Variants in USP25 observed in about 807,000 individuals in gnomAD.
USP25 encodes the protein ubiquitin specific peptidase 25.
Under a neutral mutation model 158.5 loss-of-function variants are expected in USP25, and 85 were observed. The observed-to-expected ratio is 0.54, with a 90% CI of 0.45 to 0.64. The LOEUF is 0.64. USP25 is among the 30% of genes least tolerant of loss of function. USP25 has a pLI of 0.00. For synonymous variants in USP25, 464 were observed against 460.4 expected (o/e 1.01, Z -0.10); for missense variants, 1,242 against 1,327.3 (o/e 0.94, Z 1.00).
chr21:15,796,793 A>G (rs1437166315), intron 5 of USP25, among the ~76,000 whole-genome samples: 1 of 151,420 alleles, frequency 6.6e-6, no homozygotes, highest in Non-Finnish European at 1.5e-5. Flanking sequence ...AATGTCTAGT[A>G]CTCAGGTCAG....
At chr21:15,810,222 C>T (rs1352076067) in intron 8 of USP25, among the ~76,000 whole-genome samples, 1 of 152,016 alleles carries the variant, frequency 6.6e-6, no homozygotes, top group African/African-American at 2.4e-5. Flanking sequence ...GCATTAAAGA[C>T]TGCTATACTA....
intron 9 of USP25, among the ~76,000 whole-genome samples, chr21:15,812,395 T>C (rs1388443618): frequency 6.6e-6 from 1 of 152,166 alleles, no homozygotes; most frequent in Non-Finnish European, 1.5e-5. Flanking sequence ...ATGCCTGTAA[T>C]CCCAGCACTT....
chr21:15,873,619 G>A (rs552869241), intron 23 of USP25, among the ~76,000 whole-genome samples: 5 of 151,582 alleles, frequency 3.3e-5, no homozygotes, highest in East Asian at 1.9e-4. Context: ...TCAGCCTGCC[G>A]AGTAGCTGGG....
At chr21:15,794,854 A>G (rs1284726884) in intron 5 of USP25, among the ~76,000 whole-genome samples, 3 of 151,614 alleles carry the variant, frequency 2.0e-5, no homozygotes, top group Non-Finnish European at 4.4e-5. Flanking sequence ...TAGCCCATCA[A>G]GTAATTATTG....
intron 1 of USP25, among the ~76,000 whole-genome samples, chr21:15,747,516 A>T (rs1303721213): frequency 2.6e-5 from 4 of 152,042 alleles, no homozygotes; most frequent in Non-Finnish European, 4.4e-5. Flanking sequence ...TCTACCTGTG[A>T]TAAAGTTTAA....
Position 15,827,218 on chromosome 21 carries a change from A to C in USP25, c.1693+15A>C. The C allele has an allele frequency of 1.1e-4, 182 of 1,599,268 alleles. No homozygotes were observed. Among genetic ancestry groups the C allele is most frequent in the Middle Eastern group, 1.7e-4 (1 of 6,038 alleles). On this transcript the variant is annotated intron_variant, in intron 14 of 25. Transcript: ENST00000400183. ...TGACACCAGAGGTAAGAAGTGTCTCATAGCATGGTTACTGTCACCTCAGAT... is the reference window on the plus strand; with the variant it reads ...TGACACCAGAGGTAAGAAGTGTCTCCTAGCATGGTTACTGTCACCTCAGAT...
chr21:15,831,278 T>A (rs55920012), intron 15 of USP25, 123 bp from the exon 16 acceptor site: 38,361 of 827,494 alleles, frequency 0.046, 1,209 homozygotes, highest in Non-Finnish European at 0.06. Context: ...GCCAGTTCTC[T>A]CTCATTTAAA....
At chr21:15,791,054 G>A (rs532381554) in intron 4 of USP25, among the ~76,000 whole-genome samples, 21 of 151,324 alleles carry the variant, frequency 1.4e-4, no homozygotes, top group Non-Finnish European at 2.8e-4. Context: ...CTTTTTTTTT[G>A]TAGAAGAAGA....
At chr21:15,746,110 T>C (rs541541427) in intron 1 of USP25, among the ~76,000 whole-genome samples, 1 of 152,346 alleles carries the variant, frequency 6.6e-6, no homozygotes, top group South Asian at 2.1e-4. Flanking sequence ...TGCCTTGAAG[T>C]GGGTGAATGT....
Position 15,811,707 on chromosome 21 carries a change from G to A in USP25, c.931+497G>A, listed in dbSNP as rs111339641. Among the ~76,000 whole-genome samples, 314 of 152,274 alleles carry A rather than the reference G, an allele frequency of 2.1e-3. 1 individual carries two copies. The highest frequency in any genetic ancestry group is 0.014 in the Middle Eastern group (4 of 294). On this transcript the variant is annotated intron_variant, in intron 9 of 25. Coordinates refer to ENST00000400183, the MANE Select transcript of USP25 (RefSeq NM_001283041.3). The stretch of plus-strand genomic sequence containing the variant: ...CTATCTTTTGAAAAATCAGTGAAGA[G>A]TGATACTACTCCATTTAAGCTAAAT...
intron 22 of USP25, among the ~76,000 whole-genome samples, chr21:15,867,602 GT>G (rs1197903120): frequency 1.3e-5 from 2 of 151,878 alleles, no homozygotes; most frequent in Non-Finnish European, 2.9e-5. Context: ...ATTATTTGTA[GT>G]TTTTTTTACC....
At position 15,816,113 on chromosome 21, in the gene USP25, C is replaced by A. The variant is rs765324542; in HGVS notation, c.932-2585C>A. ...CCACATGTTGTGGGAGGGACCCAGG[C>A]GGAGGTAACTGAATCATGGTGGGGC... is the stretch of plus-strand genomic sequence containing the variant. On this transcript the variant is annotated intron_variant, in intron 9 of 25. Transcript: ENST00000400183. The surrounding 1 kb of genome is among the most constrained non-coding windows in gnomAD (Gnocchi z 4.0). Among the ~76,000 whole-genome samples, 1 of 152,108 alleles carries A rather than the reference C, an allele frequency of 6.6e-6. No homozygotes were observed. Among genetic ancestry groups the A allele is most frequent in the Admixed American group, 6.5e-5 (1 of 15,274 alleles).
At chr21:15,839,273 T>C (rs2038212769) in intron 17 of USP25, among the ~76,000 whole-genome samples, 1 of 152,036 alleles carries the variant, frequency 6.6e-6, no homozygotes, top group African/African-American at 2.4e-5. Flanking sequence ...CTAGAGAAAA[T>C]TGTTCTGTAT....
Position 15,730,322 on chromosome 21 carries a change from G to T in USP25, c.-72G>T. 1 of 1,049,656 alleles carries T rather than the reference G, an allele frequency of 9.5e-7. No individual in the cohort carries two copies. The highest frequency in any genetic ancestry group is 4.4e-5 in the South Asian group (1 of 22,792). 65.0% of individuals were successfully genotyped at this position (1,049,656 alleles called of 1,614,324 possible). ...CGCTCCCTGGAGCTCGGCGGAGCGC[G>T]GCAGCCAGGGCCGGCGGAGGCGCGA... On this transcript the variant is annotated 5_prime_UTR_variant, in exon 1 of 26. Transcript: ENST00000400183.
At chr21:15,761,730 A>G (rs1324325100) in intron 1 of USP25, among the ~76,000 whole-genome samples, 2 of 152,212 alleles carry the variant, frequency 1.3e-5, no homozygotes, top group Non-Finnish European at 2.9e-5. Flanking sequence ...GAAGCATGCC[A>G]GTGTATAAAA....
At chr21:15,849,669 G>A (rs2038794759) in intron 19 of USP25, 108 bp from the exon 20 acceptor site, 2 of 836,262 alleles carry the variant, frequency 2.4e-6, no homozygotes, top group East Asian at 2.8e-5. Context: ...TATTAAAAGT[G>A]CAACATTTGA....
At chr21:15,730,974 C>CTTTTTTTTTTTTTTTTTT in intron 1 of USP25, among the ~76,000 whole-genome samples, 1 of 60,340 alleles carries the variant, frequency 1.7e-5, no homozygotes, top group Admixed American at 1.7e-4. Flanking sequence ...TTCTTCTTTT[C>CTTTTTTTTTTTTTTTTTT]TGTTTTTTTT....
intron 18 of USP25, 74 bp from the exon 19 acceptor site, chr21:15,847,589 A>T (rs1297810598): frequency 9.8e-7 from 1 of 1,017,328 alleles, no homozygotes; most frequent in African/African-American, 1.6e-5. Context: ...TGCAGGTTAT[A>T]CAGTTGTGCA....
chr21:15,769,932 A>T (rs913243429), intron 3 of USP25, among the ~76,000 whole-genome samples: 4 of 152,066 alleles, frequency 2.6e-5, no homozygotes, highest in Non-Finnish European at 5.9e-5. Context: ...GAAATGAGTG[A>T]CAGGTGGTAA....
Sources: gnomAD v4.1 joint callset for allele counts (sites outside exome capture counted in the v4.1 genomes callset) on GRCh38, gnomAD v4.1.1 for gene constraint, Gnocchi (gnomAD v3.1) non-coding constraint, MANE v1.5 for transcripts, NCBI Gene and HGNC (gene_info 2026-07-23, HGNC 2026-07-21) for gene names.